The following ROBO1 variants were observed in gnomAD, a reference collection of about 807,000 sequenced individuals.
ROBO1 encodes roundabout guidance receptor 1.
ROBO1 carries 149 observed loss-of-function variants against 195.9 expected under a neutral mutation model. That is an observed-to-expected ratio of 0.76 (90% confidence interval 0.67 to 0.87). The LOEUF is 0.87. Among genes scored for constraint, ROBO1 ranks in the 40% least tolerant of loss-of-function variants. The pLI, the probability that ROBO1 is intolerant of heterozygous loss-of-function variation, is 0.00. For missense variants in ROBO1, 1,933 were observed against 2,068.3 expected (o/e 0.93, Z 1.27); for synonymous variants, 816 against 733.2 (o/e 1.11, Z -1.82).
intron 29 of ROBO1, among the ~76,000 whole-genome samples, chr3:78,605,858 C>A (rs1703432227): frequency 6.6e-6 from 1 of 152,128 alleles, no homozygotes; most frequent in Non-Finnish European, 1.5e-5. Context: ...TCTATTATTT[C>A]AACTTACCTT....
chr3:78,758,103 T>G (rs2082985950), intron 4 of ROBO1, among the ~76,000 whole-genome samples: 1 of 152,348 alleles, frequency 6.6e-6, no homozygotes, highest in Admixed American at 6.5e-5. Context: ...CTCTGGATGA[T>G]AGCTAGAATC....
chr3:79,263,560 C>T (rs369655023), intron 2 of ROBO1, among the ~76,000 whole-genome samples: 1 of 151,958 alleles, frequency 6.6e-6, no homozygotes, highest in Non-Finnish European at 1.5e-5. Flanking sequence ...GGGAGGATTG[C>T]TTGAGCCCAG....
Position 78,692,519 on chromosome 3 carries a change from C to T in ROBO1, c.1046-3747G>A, listed in dbSNP as rs2081198021. On this transcript the variant is annotated intron_variant, in intron 8 of 30. Transcript: ENST00000464233. ...CTCTTGGCCTCAAATTATTCACCCA[C>T]CTCGGCCTCCCAATGTGCTGGGATT... Among the ~76,000 whole-genome samples the T allele has an allele frequency of 2.6e-5, 4 of 152,074 alleles. No homozygotes were observed. The South Asian group carries it at 6.2e-4, about 24-fold the overall frequency.
At chr3:79,734,376 C>T (rs192522967) in intron 1 of ROBO1, among the ~76,000 whole-genome samples, 101 of 152,330 alleles carry the variant, frequency 6.6e-4, no homozygotes, top group Non-Finnish European at 1.2e-3. Flanking sequence ...TCTGTACCAC[C>T]AACCAGCCTC....
intron 9 of ROBO1, among the ~76,000 whole-genome samples, chr3:78,687,375 G>C (rs2081074973): frequency 6.6e-6 from 1 of 151,976 alleles, no homozygotes; most frequent in East Asian, 1.9e-4. Flanking sequence ...TTCAAATAAG[G>C]GCCTATATAC....
chr3:78,619,875 G>A (rs928624048), intron 26 of ROBO1, among the ~76,000 whole-genome samples: 3 of 151,536 alleles, frequency 2.0e-5, no homozygotes, highest in Admixed American at 6.6e-5. Context: ...AAAATTAGCC[G>A]GGTGTGGTGG....
In ROBO1 at chr3:78,685,781, C is replaced by T. The variant is rs1304482018; in HGVS notation, c.1307G>A (p.Ser436Asn). 4 of 1,611,026 alleles carry T rather than the reference C, an allele frequency of 2.5e-6. No individual in the cohort carries two copies. Among genetic ancestry groups the T allele is most frequent in the South Asian group, 1.1e-5 (1 of 90,692 alleles). ...TTCCAAATATGCCTTTGTGATGATGCTTCCAGCAACATTTAAAGTCTGGCA... is the reference window on the plus strand; with the variant it reads ...TTCCAAATATGCCTTTGTGATGATGTTTCCAGCAACATTTAAAGTCTGGCA... Reference protein sequence around the residue: ...YICQTLNVAGSIITKAYLEVT... With the variant: ...YICQTLNVAGNIITKAYLEVT... Residue 436 changes from serine to asparagine, a missense_variant, in exon 10 of 31, where the codon AGC (serine) becomes AAC (asparagine). Around this residue, in one of 3 missense-constraint regions of ROBO1, gnomAD observed 1,737 missense variants for 1,882.5 expected, o/e 0.92. Coordinates refer to ENST00000464233, the MANE Select transcript of ROBO1 (RefSeq NM_002941.4).
intron 2 of ROBO1, among the ~76,000 whole-genome samples, chr3:79,304,172 T>C (rs2033115741): frequency 6.6e-6 from 1 of 152,196 alleles, no homozygotes; most frequent in South Asian, 2.1e-4. Context: ...GTAATCCAAG[T>C]AAACCTGTTT....
chr3:78,967,038 T>C (rs2076659684), intron 3 of ROBO1, among the ~76,000 whole-genome samples: 1 of 152,354 alleles, frequency 6.6e-6, no homozygotes, highest in South Asian at 2.1e-4. Context: ...GTAACGTACC[T>C]AGCAGAGTGT....
At chr3:79,745,080 G>T (rs1703816434) in intron 1 of ROBO1, among the ~76,000 whole-genome samples, 1 of 152,050 alleles carries the variant, frequency 6.6e-6, no homozygotes. Flanking sequence ...AGAATAAAAG[G>T]TGCCTCTGTA....
At chr3:79,489,189 TA>T (rs1387276278) in intron 2 of ROBO1, among the ~76,000 whole-genome samples, 2 of 151,794 alleles carry the variant, frequency 1.3e-5, no homozygotes, top group East Asian at 1.9e-4. Context: ...CAATTTAAGA[TA>T]AAAAACTGGC....
intron 1 of ROBO1, among the ~76,000 whole-genome samples, chr3:79,631,888 CTAAT>C (rs1396517759): frequency 2.6e-5 from 4 of 152,022 alleles, no homozygotes; most frequent in Admixed American, 2.6e-4. Flanking sequence ...CTCAACATCA[CTAAT>C]TATAAGAGAA....
At chr3:79,741,952 G>T (rs902197560) in intron 1 of ROBO1, among the ~76,000 whole-genome samples, 2 of 152,192 alleles carry the variant, frequency 1.3e-5, no homozygotes, top group East Asian at 1.9e-4. Flanking sequence ...ATGATTTAGG[G>T]TATCTGGTGG....
At chr3:79,738,878 A>C (rs1703503202) in intron 1 of ROBO1, among the ~76,000 whole-genome samples, 1 of 152,184 alleles carries the variant, frequency 6.6e-6, no homozygotes, top group Non-Finnish European at 1.5e-5. Flanking sequence ...CACTCCAAAA[A>C]TAGATAGGGG....
chr3:78,648,113 G>GA (rs1376816530), intron 19 of ROBO1, among the ~76,000 whole-genome samples: 9 of 146,854 alleles, frequency 6.1e-5, no homozygotes, highest in Non-Finnish European at 1.5e-5. Context: ...AACATTGAGA[G>GA]AAAAAAAAGA....
chr3:79,434,459 T>A (rs1274577600), intron 2 of ROBO1, among the ~76,000 whole-genome samples: 1 of 151,976 alleles, frequency 6.6e-6, no homozygotes, highest in African/African-American at 2.4e-5. Flanking sequence ...AACAGACACA[T>A]GAAAAAATGC....
rs1027447781 is a variant in ROBO1 at position 78,631,150 on chromosome 3, G to C, written c.3626+11C>G. On this transcript the variant is annotated intron_variant, in intron 25 of 30. Transcript: ENST00000464233. The stretch of plus-strand genomic sequence containing the variant: ...TTACACTGTTTACATCTGTTTGGAT[G>C]CTCCTCTTACCTTTCATCTACAGAA... The C allele has an allele frequency of 1.4e-5, 22 of 1,606,660 alleles. No individual in the cohort carries two copies. The highest frequency in any genetic ancestry group is 1.9e-5 in the Non-Finnish European group (22 of 1,176,220).
intron 19 of ROBO1, among the ~76,000 whole-genome samples, chr3:78,648,968 CA>C (rs1706475007): frequency 6.6e-6 from 1 of 152,046 alleles, no homozygotes; most frequent in Non-Finnish European, 1.5e-5. Context: ...GCAAAAACCT[CA>C]GTGCTGTGTC....
At chr3:78,876,304 A>T (rs1192086641) in intron 4 of ROBO1, among the ~76,000 whole-genome samples, 2 of 152,126 alleles carry the variant, frequency 1.3e-5, no homozygotes, top group Admixed American at 1.3e-4. Flanking sequence ...ATTTAGAGAC[A>T]ACTATACTTG....
Sources: allele counts gnomAD v4.1 joint callset (sites outside exome capture counted in the v4.1 genomes callset), GRCh38; gene constraint gnomAD v4.1.1; regional missense constraint gnomAD v4.1.1; transcripts MANE v1.5; gene names NCBI Gene and HGNC (gene_info 2026-07-23, HGNC 2026-07-21).